Variants in SLC24A2 observed in about 807,000 individuals in gnomAD.
SLC24A2 encodes solute carrier family 24 member 2.
A neutral mutation model predicts 62.0 loss-of-function variants in SLC24A2; 36 were observed. The observed-to-expected ratio is 0.58, with a 90% confidence interval of 0.44 to 0.77. The LOEUF is 0.77. SLC24A2 is among the 30% of genes least tolerant of loss of function. The pLI, the probability that SLC24A2 is intolerant of heterozygous loss-of-function variation, is 0.00. For missense variants in SLC24A2, 846 were observed against 817.9 expected (o/e 1.03, Z -0.42); for synonymous variants, 358 against 294.0 (o/e 1.22, Z -2.23).
the SLC24A2 span, among the ~76,000 whole-genome samples, chr9:20,028,725 G>C: frequency 1.3e-5 from 2 of 152,156 alleles, no homozygotes; most frequent in African/African-American, 2.4e-5. Flanking sequence ...CCCACCTGCG[G>C]CATCTCTTGA....
chr9:19,748,149 A>T (rs1821886948), intron 2 of SLC24A2, among the ~76,000 whole-genome samples: 1 of 152,118 alleles, frequency 6.6e-6, no homozygotes, highest in Non-Finnish European at 1.5e-5. Context: ...TGAATTATTT[A>T]CCAAAAGCAA....
At chr9:20,131,900 G>A in the SLC24A2 span, among the ~76,000 whole-genome samples, 25 of 152,132 alleles carry the variant, frequency 1.6e-4, no homozygotes, top group African/African-American at 5.8e-4. Flanking sequence ...CTAATGGGGT[G>A]CATAATTGTG....
At chr9:20,027,815 A>C in the SLC24A2 span, among the ~76,000 whole-genome samples, 1 of 152,210 alleles carries the variant, frequency 6.6e-6, no homozygotes, top group Non-Finnish European at 1.5e-5. Context: ...TAACTATGTG[A>C]GGTAATATAT....
chr9:20,271,704 C>A, the SLC24A2 span, among the ~76,000 whole-genome samples: 4 of 152,114 alleles, frequency 2.6e-5, no homozygotes, highest in Admixed American at 2.6e-4. Flanking sequence ...ACAAGCAACA[C>A]ACACTATCCA....
the SLC24A2 span, among the ~76,000 whole-genome samples, chr9:19,985,352 G>C: frequency 6.6e-6 from 1 of 152,108 alleles, no homozygotes; most frequent in Admixed American, 6.6e-5. Context: ...ATTGACAAGG[G>C]ATTGGATAAA....
chr9:20,247,672 A>G, the SLC24A2 span, among the ~76,000 whole-genome samples: 1 of 152,240 alleles, frequency 6.6e-6, no homozygotes, highest in East Asian at 1.9e-4. Flanking sequence ...CCAAAAGTCT[A>G]TAGTATGGTG....
intron 2 of SLC24A2, among the ~76,000 whole-genome samples, chr9:19,733,781 T>C (rs1219747688): frequency 6.6e-6 from 1 of 152,182 alleles, no homozygotes; most frequent in Non-Finnish European, 1.5e-5. Context: ...TGACCTACGT[T>C]TGTGGTTTAA....
chr9:20,199,086 T>C, the SLC24A2 span, among the ~76,000 whole-genome samples: 52 of 152,216 alleles, frequency 3.4e-4, no homozygotes, highest in Non-Finnish European at 6.0e-4. Context: ...GAAAAAGTTG[T>C]TTCTAACCAG....
the SLC24A2 span, among the ~76,000 whole-genome samples, chr9:19,803,014 G>T: frequency 6.6e-6 from 1 of 152,142 alleles, no homozygotes; most frequent in African/African-American, 2.4e-5. Context: ...ATGAAGCAGA[G>T]AGTGAGCCCT....
chr9:20,252,770 T>C, the SLC24A2 span, among the ~76,000 whole-genome samples: 1 of 152,218 alleles, frequency 6.6e-6, no homozygotes, highest in Non-Finnish European at 1.5e-5. Flanking sequence ...CACCTGATCC[T>C]AAATCAGCAA....
At chr9:20,205,453 C>G in the SLC24A2 span, among the ~76,000 whole-genome samples, 79 of 151,952 alleles carry the variant, frequency 5.2e-4, 1 homozygote, top group Middle Eastern at 0.01. Context: ...TCGAGACCAT[C>G]CTGGTTAATA....
chr9:19,651,844 T>G (rs1001798134), intron 2 of SLC24A2, among the ~76,000 whole-genome samples: 1 of 152,212 alleles, frequency 6.6e-6, no homozygotes, highest in Non-Finnish European at 1.5e-5. Context: ...TACAGGTTTC[T>G]CTATGACATG....
At chr9:20,041,166 G>A in the SLC24A2 span, among the ~76,000 whole-genome samples, 14 of 148,986 alleles carry the variant, frequency 9.4e-5, no homozygotes, top group South Asian at 1.0e-3. Flanking sequence ...GCGCGCGTGC[G>A]CACGTGTGCG....
chr9:19,720,361 T>A (rs1033155924), intron 2 of SLC24A2, among the ~76,000 whole-genome samples: 3 of 152,198 alleles, frequency 2.0e-5, no homozygotes, highest in Non-Finnish European at 4.4e-5. Context: ...TCACTTTGAC[T>A]TATTCTTAGA....
the SLC24A2 span, among the ~76,000 whole-genome samples, chr9:20,124,798 A>C: frequency 1.3e-5 from 2 of 152,244 alleles, no homozygotes; most frequent in Non-Finnish European, 2.9e-5. Flanking sequence ...ATAGTCAGTA[A>C]GTATAATCAA....
At chr9:20,221,707 T>C in the SLC24A2 span, among the ~76,000 whole-genome samples, 1 of 151,992 alleles carries the variant, frequency 6.6e-6, no homozygotes, top group African/African-American at 2.4e-5. Context: ...AAATGGAAGA[T>C]GTTTAAAGCT....
the SLC24A2 span, among the ~76,000 whole-genome samples, chr9:19,874,075 C>CTTTTTTTTTT: frequency 2.9e-3 from 306 of 107,234 alleles, no homozygotes; most frequent in East Asian, 6.5e-3. Context: ...CTTTTCTTTT[C>CTTTTTTTTTT]TTTTTTTTTT....
chr9:19,738,728 TACAA>T (rs1821584670), intron 2 of SLC24A2, among the ~76,000 whole-genome samples: 1 of 152,284 alleles, frequency 6.6e-6, no homozygotes, highest in South Asian at 2.1e-4. Flanking sequence ...TCTTGGCTAT[TACAA>T]ACAAATTCTC....
At chr9:19,925,537 C>T in the SLC24A2 span, among the ~76,000 whole-genome samples, 2 of 152,182 alleles carry the variant, frequency 1.3e-5, no homozygotes, top group Non-Finnish European at 2.9e-5. Context: ...ATAATTCAAT[C>T]AGCCAACACC....
Sources: gnomAD v4.1 joint callset for allele counts (sites outside exome capture counted in the v4.1 genomes callset) on GRCh38, gnomAD v4.1.1 for gene constraint, MANE v1.5 for transcripts, NCBI Gene and HGNC (gene_info 2026-07-23, HGNC 2026-07-21) for gene names.